Variants in NEK5 observed in about 807,000 individuals in gnomAD.
The protein encoded by NEK5 is serine/threonine-protein kinase Nek5.
In NEK5, 88 loss-of-function variants were observed where a neutral mutation model predicts 109.2. The observed-to-expected ratio is 0.81, with a 90% CI of 0.68 to 0.96. NEK5 has a LOEUF of 0.96. Among genes scored for constraint, NEK5 ranks in the 40% least tolerant of loss-of-function variants. The pLI is 0.00. For synonymous variants in NEK5, 283 were observed against 299.9 expected (o/e 0.94, Z 0.58); for missense variants, 834 against 920.7 (o/e 0.91, Z 1.22).
At chr13:52,076,282 G>T in intron 17 of NEK5, 139 bp from the exon 18 acceptor site, 1 of 539,504 alleles carries the variant, frequency 1.9e-6, no homozygotes, top group Non-Finnish European at 3.2e-6. Flanking sequence ...AAAAACTTGG[G>T]CAGAGTATCC....
intron 22 of NEK5, among the ~76,000 whole-genome samples, chr13:52,055,391 G>A (rs1954545437): frequency 6.6e-6 from 1 of 151,100 alleles, no homozygotes; most frequent in South Asian, 2.1e-4. Context: ...TATTATCCAG[G>A]AGAACTTCCC....
At chr13:52,076,489 G>A (rs1954871310) in intron 17 of NEK5, among the ~76,000 whole-genome samples, 2 of 152,180 alleles carry the variant, frequency 1.3e-5, no homozygotes. Context: ...ACTCATGACG[G>A]TATAAAGGAA....
intron 14 of NEK5, among the ~76,000 whole-genome samples, chr13:52,088,239 T>C (rs1955195855): frequency 6.6e-6 from 1 of 150,884 alleles, no homozygotes; most frequent in East Asian, 1.9e-4. Context: ...TAATCACTTT[T>C]TTGTTGTTGG....
intron 21 of NEK5, among the ~76,000 whole-genome samples, chr13:52,062,331 C>T (rs1179268514): frequency 3.3e-5 from 5 of 152,174 alleles, no homozygotes; most frequent in African/African-American, 1.2e-4. Context: ...CCCATGTTAT[C>T]AAGAACATAG....
chr13:52,089,376 C>T (rs781759067), intron 13 of NEK5, 63 bp from the exon 14 acceptor site: 13 of 1,039,444 alleles, frequency 1.3e-5, no homozygotes, highest in Admixed American at 4.1e-5. Context: ...ACCAATTTGA[C>T]GAGTAATTTT....
rs1593936788 is a variant in NEK5, at chr13:52,071,993, A to G, written c.1800T>C (p.His600=). 5 of 1,611,618 alleles carry G rather than the reference A, an allele frequency of 3.1e-6. No homozygotes were observed. The highest frequency in any genetic ancestry group is 4.5e-5 in the East Asian group (2 of 44,868). Residue 600 remains histidine, a synonymous_variant, in exon 20 of 24, where the codon CAT becomes CAC. Coordinates refer to ENST00000684899, the MANE Select transcript of NEK5 (RefSeq NM_001365552.1). ...CAAATGCTTTGTCTGTATAATCTCC[A>G]TGCTCCTTTACACATTCATATTCCT... ...KFKEYECVKE[H]GDYTDKAFEK...
At chr13:52,086,635 C>T (rs1440153434) in intron 15 of NEK5, among the ~76,000 whole-genome samples, 3 of 152,068 alleles carry the variant, frequency 2.0e-5, no homozygotes, top group African/African-American at 4.8e-5. Context: ...TATATATAAC[C>T]CTCTTATGCA....
intron 17 of NEK5, among the ~76,000 whole-genome samples, chr13:52,081,461 A>G (rs1210248288): frequency 6.6e-6 from 1 of 152,148 alleles, no homozygotes; most frequent in Non-Finnish European, 1.5e-5. Context: ...AGCTGGAACT[A>G]TAGTCTCGTG....
intron 21 of NEK5, 156 bp from the exon 22 acceptor site, chr13:52,062,109 A>G (rs1381929496): frequency 6.6e-6 from 1 of 152,296 alleles, no homozygotes; most frequent in Non-Finnish European, 1.5e-5. Flanking sequence ...TTCTTGTCAC[A>G]TAGCTGATGA....
Position 52,111,985 on chromosome 13 carries a change from A to G in NEK5, c.312+283T>C, listed in dbSNP as rs12431352. Among the ~76,000 whole-genome samples, 65 of 152,268 alleles carry G rather than the reference A, an allele frequency of 4.3e-4. 1 individual carries two copies. The South Asian group carries it at 0.013, about 31-fold the overall frequency. ...ACACTCACATTCAGATTTTTTTTTA[A>G]CCATGAAGACTTATCTCAGAGGCAT... On this transcript the variant is annotated intron_variant, in intron 5 of 23. Transcript: ENST00000684899.
In NEK5 at chr13:52,125,340, G is replaced by A. The variant is rs1429458611; in HGVS notation, c.117+2026C>T. Among the ~76,000 whole-genome samples the A allele has an allele frequency of 1.1e-4, 17 of 152,340 alleles. No individual in the cohort carries two copies. The East Asian group carries it at 3.1e-3, about 28-fold the overall frequency. On this transcript the variant is annotated intron_variant, in intron 3 of 23. Coordinates refer to ENST00000684899, the MANE Select transcript of NEK5 (RefSeq NM_001365552.1). Reference sequence around the variant, plus strand: ...GCACTTTGGGAGGCCGAGGCGGGTGGATCACGAAGTCAGGAGATTGAGACC... The same window carrying A: ...GCACTTTGGGAGGCCGAGGCGGGTGAATCACGAAGTCAGGAGATTGAGACC...
chr13:52,069,517 C>A (rs964528206), intron 20 of NEK5, among the ~76,000 whole-genome samples: 2 of 152,208 alleles, frequency 1.3e-5, no homozygotes, highest in Non-Finnish European at 2.9e-5. Context: ...ATGCCCCAGG[C>A]CTTCAGTCTT....
rs776610720 is a variant in NEK5 at position 52,035,710 on chromosome 13, T to C, written c.*1238A>G. ...CATTGTAAGATATAAAGACCAGATA[T>C]AGTCCCTGCCCTCAACCTATACACT... On this transcript the variant is annotated 3_prime_UTR_variant, in exon 24 of 24. Transcript: ENST00000684899. 6.6e-6 allele frequency: 1 copy of C among 152,214 alleles called. No homozygotes were observed. Among genetic ancestry groups the C allele is most frequent in the Non-Finnish European group, 1.5e-5 (1 of 68,042 alleles). The allele number at this position is 152,214 out of a possible 1,614,324, so 9.4% of individuals were successfully genotyped here. A position where few individuals can be genotyped will look rare whatever the true frequency, so the allele number is the denominator to read the frequency against.
rs1955176822 is a variant in NEK5, at chr13:52,087,589, AAGT to A, written c.1276-138_1276-136del. On this transcript the variant is annotated intron_variant, in intron 14 of 23. Coordinates refer to ENST00000684899, the MANE Select transcript of NEK5 (RefSeq NM_001365552.1). ...AGTATTTGGGAGTTTTTTTTGTGGT[AAGT>A]AGTAGAATTTTCTTAATTATAAAGC... 4 of 508,150 alleles carry A rather than the reference AAGT, an allele frequency of 7.9e-6. No individual in the cohort carries two copies. In the Admixed American group the frequency reaches 1.0e-4, roughly 13 times the overall value. The allele number at this position is 508,150 out of a possible 1,614,324, so 31.5% of individuals were successfully genotyped here. A position where few individuals can be genotyped will look rare whatever the true frequency, so the allele number is the denominator to read the frequency against.
At chr13:52,046,294 C>T (rs370054408) in intron 23 of NEK5, among the ~76,000 whole-genome samples, 8 of 146,992 alleles carry the variant, frequency 5.4e-5, no homozygotes, top group Admixed American at 2.7e-4. Flanking sequence ...CTGGGCAACA[C>T]GGCAAGACCC....
chr13:52,051,062 CTT>C (rs34408976), intron 22 of NEK5, among the ~76,000 whole-genome samples: 222 of 142,952 alleles, frequency 1.6e-3, no homozygotes, highest in Non-Finnish European at 2.0e-3. Flanking sequence ...AAGGCAGGGG[CTT>C]TTTTTTTTTT....
chr13:52,059,982 T>C (rs940925838), intron 22 of NEK5, among the ~76,000 whole-genome samples: 2 of 151,126 alleles, frequency 1.3e-5, no homozygotes, highest in Non-Finnish European at 3.0e-5. Context: ...ATAATAATAA[T>C]CATAATAATA....
At chr13:52,057,218 G>C (rs1206635658) in intron 22 of NEK5, among the ~76,000 whole-genome samples, 4 of 152,058 alleles carry the variant, frequency 2.6e-5, no homozygotes, top group African/African-American at 9.7e-5. Context: ...TAAATTCCTC[G>C]ACACATACAC....
At chr13:52,085,604 TCTC>T (rs1955126260) in intron 16 of NEK5, among the ~76,000 whole-genome samples, 1 of 152,214 alleles carries the variant, frequency 6.6e-6, no homozygotes, top group Admixed American at 6.5e-5. Flanking sequence ...CCTGCAAGCT[TCTC>T]CTAGGAGAGC....
Sources: gnomAD v4.1 joint callset for allele counts (sites outside exome capture counted in the v4.1 genomes callset) on GRCh38, gnomAD v4.1.1 for gene constraint, MANE v1.5 for transcripts, NCBI Gene and HGNC (gene_info 2026-07-23, HGNC 2026-07-21) for gene names.